The following LAS1L variants were observed in gnomAD, a reference collection of about 807,000 sequenced individuals.
The protein encoded by LAS1L is ribosomal biogenesis protein LAS1L.
LAS1L carries 5 observed loss-of-function variants against 57.3 expected under a neutral mutation model. That is an observed-to-expected ratio of 0.09 (90% CI 0.05 to 0.18). The LOEUF (loss-of-function observed/expected upper bound fraction) is 0.18, where lower values mean the gene tolerates loss of function less well. Among genes scored for constraint, LAS1L ranks in the 10% least tolerant of loss-of-function variants. The pLI is 1.00. For missense variants in LAS1L, 360 were observed against 568.3 expected (o/e 0.63, Z 3.73); for synonymous variants, 245 against 231.7 (o/e 1.06, Z -0.52).
At chrX:65,531,213 G>T in intron 4 of LAS1L, 144 bp downstream of exon 4, 1 of 359,756 alleles carries the variant, frequency 2.8e-6, no homozygotes, top group Admixed American at 4.8e-5. Flanking sequence ...TAAATGTTGT[G>T]CCCAAGGCGA....
Position 65,517,844 on chromosome X carries a change from G to A in LAS1L, c.1927+143C>T, listed in dbSNP as rs1406287907. ...TCCTAAGAGGTGGGAGAAGCCAGCTGTCATCTATGCACCAGGCTGCCTTCC... is the reference window on the plus strand; with the variant it reads ...TCCTAAGAGGTGGGAGAAGCCAGCTATCATCTATGCACCAGGCTGCCTTCC... On this transcript the variant is annotated intron_variant, in intron 12 of 13. Coordinates refer to ENST00000374811, the MANE Select transcript of LAS1L (RefSeq NM_031206.7). 12 of 1,033,399 alleles carry A rather than the reference G, an allele frequency of 1.2e-5. No homozygotes were observed. The East Asian group carries it at 1.7e-4, about 14-fold the overall frequency. 85.2% of individuals were successfully genotyped at this position (1,033,399 alleles called of 1,213,427 possible). A position where few individuals can be genotyped will look rare whatever the true frequency, so the allele number is the denominator to read the frequency against.
chrX:65,531,861 TG>T lies in LAS1L; in HGVS notation c.433-424del, dbSNP rs1341383371. 1.6e-4 allele frequency among the ~76,000 whole-genome samples: 18 copies of T among 111,559 alleles called. No individual in the cohort carries two copies. In the Admixed American group the frequency reaches 1.7e-3, roughly 11 times the overall value. ...GCTTGAACCTGGGAGGCGGAGATTGTGGTGAGCCAAGATCACGCCACTGCAC... is the reference window on the plus strand; with the variant it reads ...GCTTGAACCTGGGAGGCGGAGATTGTGTGAGCCAAGATCACGCCACTGCAC... On this transcript the variant is annotated intron_variant, in intron 3 of 13. Coordinates refer to ENST00000374811, the MANE Select transcript of LAS1L (RefSeq NM_031206.7).
In LAS1L at chrX:65,517,978, A is replaced by G. The variant is rs1379566424; in HGVS notation, c.1927+9T>C. The G allele has an allele frequency of 8.5e-7, 1 of 1,177,454 alleles. No individual in the cohort carries two copies. Among genetic ancestry groups the G allele is most frequent in the African/African-American group, 1.8e-5 (1 of 55,718 alleles). On this transcript the variant is annotated intron_variant, in intron 12 of 13. Transcript: ENST00000374811. The stretch of plus-strand genomic sequence containing the variant: ...AAAGAAGTCCATGTGGGGACAAAGT[A>G]GTTCTTACCTGAGCTAACCTGCCAT...
chrX:65,521,124 C>T (rs1411240426), intron 11 of LAS1L: 1 of 751,894 alleles, frequency 1.3e-6, no homozygotes, highest in Non-Finnish European at 1.6e-6. Context: ...GTCTACAAAG[C>T]CACTTTTAAA....
chrX:65,518,245 C>T lies in LAS1L; in HGVS notation c.1669G>A (p.Glu557Lys). 8.2e-7 allele frequency: 1 copy of T among 1,212,176 alleles called. No homozygotes were observed. Among genetic ancestry groups the T allele is most frequent in the Non-Finnish European group, 1.1e-6 (1 of 895,554 alleles). Reference protein sequence around the residue: ...GSEAKAQQQEEQGSVNDVKEE... With the variant: ...GSEAKAQQQEKQGSVNDVKEE... ...TTGACATCATTAACACTGCCCTGCT[C>T]CTCCTGTTGCTGGGCCTTTGCTTCA... The change falls in exon 12 of 14, where the codon GAG becomes AAG. Residue 557 changes from glutamate to lysine, a missense_variant. Glu to Lys is a moderately conservative substitution (Grantham distance 56). Around this residue, in one of 7 missense-constraint regions of LAS1L, gnomAD observed 123 missense variants for 168.3 expected, o/e 0.73. Coordinates refer to ENST00000374811, the MANE Select transcript of LAS1L (RefSeq NM_031206.7).
chrX:65,528,318 G>A lies in LAS1L; in HGVS notation c.898C>T (p.Pro300Ser). 1 of 1,200,882 alleles carries A rather than the reference G, an allele frequency of 8.3e-7. No individual in the cohort carries two copies. The highest frequency in any genetic ancestry group is 1.1e-6 in the Non-Finnish European group (1 of 888,923). Residue 300 changes from proline (P) to serine (S), a missense_variant, in exon 7 of 14, where the codon CCG becomes TCG. Physicochemically the swap from Pro to Ser is moderately conservative, Grantham distance 74. This residue lies in a region of LAS1L where 81 missense variants were observed against 192.1 expected (regional missense o/e 0.42). Transcript: ENST00000374811. ...LPKAIKAWNN[P>S]SPRVECVLAE... ...AGGACACATTCTACACGTGGGGACGGGTTATTCCACGCCTTAATGGCCTTA... is the reference window on the plus strand; with the variant it reads ...AGGACACATTCTACACGTGGGGACGAGTTATTCCACGCCTTAATGGCCTTA...
chrX:65,514,706 C>T, intron 13 of LAS1L, 117 bp downstream of exon 13: 2 of 702,351 alleles, frequency 2.8e-6, no homozygotes, highest in Non-Finnish European at 4.1e-6. Flanking sequence ...TTACACTTCA[C>T]TCATTTAGGC....
Position 65,529,702 on chromosome X carries a change from C to T in LAS1L, c.691G>A (p.Asp231Asn), listed in dbSNP as rs779233197. ...DITEQKPEPQDDGKSTESDVK... is the reference protein window; with the variant it reads ...DITEQKPEPQNDGKSTESDVK... ...TCTGACTCCGTACTTTTCCCATCAT[C>T]CTGAGGCTCTGGTTTCTGTTCTGTG... is the stretch of plus-strand genomic sequence containing the variant. Residue 231 changes from aspartate to asparagine, a missense_variant, in exon 5 of 14, where the codon GAT becomes AAT. By Grantham distance (23) the Asp-to-Asn change is conservative. Transcript: ENST00000374811. 5.0e-6 allele frequency: 6 copies of T among 1,211,884 alleles called. No homozygotes were observed. The highest frequency in any genetic ancestry group is 6.7e-6 in the Non-Finnish European group (6 of 895,487).
At chrX:65,516,299 C>T (rs933487976) in intron 12 of LAS1L, among the ~76,000 whole-genome samples, 1 of 111,355 alleles carries the variant, frequency 9.0e-6, no homozygotes, top group East Asian at 2.8e-4. Context: ...GCACAGGGGC[C>T]ACTACCTACA....
chrX:65,528,636 T>C (rs1038237813), intron 6 of LAS1L, among the ~76,000 whole-genome samples: 3 of 112,800 alleles, frequency 2.7e-5, no homozygotes, highest in East Asian at 2.8e-4. Context: ...ATGGGGGAAT[T>C]TGGCTGGAGA....
Position 65,518,254 on chromosome X carries a change from G to C in LAS1L, c.1660C>G (p.Gln554Glu). ...SSFGSEAKAQ[Q>E]QEEQGSVNDV... is the part of the protein sequence containing the mutation. Reference sequence around the variant, plus strand: ...TTAACACTGCCCTGCTCCTCCTGTTGCTGGGCCTTTGCTTCAGACCCGAAG... The same window carrying C: ...TTAACACTGCCCTGCTCCTCCTGTTCCTGGGCCTTTGCTTCAGACCCGAAG... The change falls in exon 12 of 14, where the codon CAA becomes GAA. Residue 554 changes from glutamine to glutamate, a missense_variant. This residue lies in a region of LAS1L where 123 missense variants were observed against 168.3 expected (regional missense o/e 0.73). Coordinates refer to ENST00000374811, the MANE Select transcript of LAS1L (RefSeq NM_031206.7). 3 of 1,211,846 alleles carry C rather than the reference G, an allele frequency of 2.5e-6. No individual in the cohort carries two copies. Among genetic ancestry groups the C allele is most frequent in the Non-Finnish European group, 3.3e-6 (3 of 895,550 alleles).
At position 65,524,307 on chromosome X, in the gene LAS1L, A is replaced by C. The variant is rs201135811; in HGVS notation, c.1094-45T>G. The C allele has an allele frequency of 7.3e-4, 723 of 983,899 alleles. 2 individuals are homozygous for C. Among genetic ancestry groups the C allele is most frequent in the Non-Finnish European group, 1.0e-4 (73 of 699,908 alleles). 81.1% of individuals were successfully genotyped at this position (983,899 alleles called of 1,213,427 possible). A position where few individuals can be genotyped will look rare whatever the true frequency, so the allele number is the denominator to read the frequency against. ...CATTTGGGGGGGCAATAGGAGAGAG[A>C]GAGCAGGAGAGCACGAAAGAGAGAG... On this transcript the variant is annotated intron_variant, in intron 9 of 13. Transcript: ENST00000374811.
chrX:65,516,216 C>CCCT (rs1445470760), intron 12 of LAS1L, among the ~76,000 whole-genome samples: 1 of 111,421 alleles, frequency 9.0e-6, no homozygotes, highest in Non-Finnish European at 1.9e-5. Flanking sequence ...CATCCCCCTC[C>CCCT]CCTGGCTCTC....
At chrX:65,514,700 A>G (rs1449637628) in intron 13 of LAS1L, 123 bp downstream of exon 13, 3 of 655,760 alleles carry the variant, frequency 4.6e-6, no homozygotes, top group Non-Finnish European at 6.6e-6. Context: ...TGGGGCTTAC[A>G]CTTCACTCAT....
intron 11 of LAS1L, chrX:65,518,717 G>A: frequency 1.8e-6 from 1 of 564,370 alleles, no homozygotes; most frequent in Non-Finnish European, 2.1e-6. Flanking sequence ...GGATTGTTGG[G>A]AGGAGTAAAT....
Position 65,529,685 on chromosome X carries a change from C to T in LAS1L, c.708G>A (p.Thr236=), listed in dbSNP as rs182370202. 1.7e-5 allele frequency: 21 copies of T among 1,209,784 alleles called. No individual in the cohort carries two copies. The East Asian group carries it at 1.8e-4, about 10-fold the overall frequency. Residue 236 remains threonine (T), a synonymous_variant, in exon 5 of 14, where the codon ACG becomes ACA. Coordinates refer to ENST00000374811, the MANE Select transcript of LAS1L (RefSeq NM_031206.7). ...KPEPQDDGKS[T]ESDVKADGDS... is the part of the protein sequence containing the mutation. ...CTCCATCGGCCTTTACATCTGACTC[C>T]GTACTTTTCCCATCATCCTGAGGCT...
intron 1 of LAS1L, 24 bp from the exon 2 acceptor site, chrX:65,533,759 A>T (rs769747589): frequency 8.3e-7 from 1 of 1,207,794 alleles, no homozygotes; most frequent in Non-Finnish European, 1.1e-6. Context: ...GTCCAGCACC[A>T]TCATAAAGAG....
intron 13 of LAS1L, among the ~76,000 whole-genome samples, chrX:65,514,158 T>A (rs1377318447): frequency 1.8e-5 from 2 of 112,155 alleles, no homozygotes; most frequent in East Asian, 5.7e-4. Context: ...GGCCCAGCAT[T>A]CTGGAATGTA....
chrX:65,516,468 T>G (rs1241588393), intron 12 of LAS1L, among the ~76,000 whole-genome samples: 2 of 110,807 alleles, frequency 1.8e-5, no homozygotes, highest in African/African-American at 6.6e-5. Flanking sequence ...TCTCACTGCC[T>G]GTTCCCACTA....
Sources: allele counts gnomAD v4.1 joint callset (sites outside exome capture counted in the v4.1 genomes callset), GRCh38; gene constraint gnomAD v4.1.1; regional missense constraint gnomAD v4.1.1; transcripts MANE v1.5; gene names NCBI Gene and HGNC (gene_info 2026-07-23, HGNC 2026-07-21).